The following CDH26 variants were observed in gnomAD, a reference collection of about 807,000 sequenced individuals.
CDH26 encodes cadherin-like protein 26.
In CDH26, 83 loss-of-function variants were observed where a neutral mutation model predicts 90.3. The observed-to-expected ratio is 0.92, with a 90% CI of 0.77 to 1.10. The LOEUF (loss-of-function observed/expected upper bound fraction) is 1.10. Among genes scored for constraint, CDH26 ranks in the 50% least tolerant of loss-of-function variants. The pLI, the probability that CDH26 is intolerant of heterozygous loss-of-function variation, is 0.00. For missense variants in CDH26, 1,013 were observed against 1,037.6 expected, an observed-to-expected ratio of 0.98 and a Z score of 0.33; for synonymous variants, 397 against 396.3, an observed-to-expected ratio of 1.00 and a Z score of -0.02.
intron 1 of CDH26, among the ~76,000 whole-genome samples, chr20:59,966,414 CAATT>C (rs560515454): frequency 2.0e-5 from 3 of 152,146 alleles, no homozygotes; most frequent in Non-Finnish European, 4.4e-5. Flanking sequence ...CAATTTAAAA[CAATT>C]AATATTTTTT....
At position 60,021,897 on chromosome 20, in the gene CDH26, C is replaced by CATAT. The variant is rs71228705; in HGVS notation, c.948-9317_948-9314dup. Among the ~76,000 whole-genome samples the CATAT allele has an allele frequency of 8.7e-4, 69 of 78,982 alleles. 1 individual carries two copies. The highest frequency in any genetic ancestry group is 7.0e-3 in the Middle Eastern group (1 of 142). 51.8% of individuals were successfully genotyped at this position (78,982 alleles called of 152,430 possible). On this transcript the variant is annotated intron_variant, in intron 7 of 8. Coordinates refer to the CDH26 transcript ENST00000370991. Reference sequence around the variant, plus strand: ...ACACACACACACACACACACACACACATATATATATATATATATATCCTGA... The same window carrying CATAT: ...ACACACACACACACACACACACACACATATATATATATATATATATATATCCTGA...
Position 59,994,348 on chromosome 20 carries a change from G to T in CDH26, c.1525G>T (p.Val509Phe). The T allele has an allele frequency of 6.2e-7, 1 of 1,613,888 alleles. No homozygotes were observed. The highest frequency in any genetic ancestry group is 2.2e-5 in the East Asian group (1 of 44,874). Residue 509 changes from valine (V) to phenylalanine (F), a missense_variant, in exon 11 of 18, where the codon GTC becomes TTC. Val to Phe is a conservative substitution (Grantham distance 50, BLOSUM62 -1). Transcript: ENST00000348616. ...TLRPRSRYME[V>F]CESAVHEPLH... ...CCGGCCACGTTCCCGCTACATGGAGGTCTGTGAGTCTGCTGTGCATGAGCC... is the reference window on the plus strand; with the variant it reads ...CCGGCCACGTTCCCGCTACATGGAGTTCTGTGAGTCTGCTGTGCATGAGCC...
intron 9 of CDH26, among the ~76,000 whole-genome samples, chr20:59,990,809 C>G (rs1234988715): frequency 6.6e-6 from 1 of 151,984 alleles, no homozygotes; most frequent in Non-Finnish European, 1.5e-5. Context: ...GTGTATCAGT[C>G]TCTGGGGGAA....
chr20:60,035,656 A>T (rs2062076743), downstream of CDH26, among the ~76,000 whole-genome samples: 1 of 152,008 alleles, frequency 6.6e-6, no homozygotes, highest in Admixed American at 6.5e-5. Flanking sequence ...CCCTCATTCA[A>T]ATCTCATCTC....
chr20:60,008,291 C>G (rs1303477762), intron 17 of CDH26, among the ~76,000 whole-genome samples: 1 of 152,186 alleles, frequency 6.6e-6, no homozygotes, highest in East Asian at 1.9e-4. Flanking sequence ...AACTCTTAGT[C>G]TGCACATCAG....
chr20:59,967,638 G>A (rs115187091), intron 1 of CDH26, among the ~76,000 whole-genome samples: 318 of 151,998 alleles, frequency 2.1e-3, no homozygotes, highest in African/African-American at 6.9e-3. Flanking sequence ...GTCATCCTGC[G>A]TGCACACTGT....
At chr20:59,982,682 C>A (rs757366071) in intron 4 of CDH26, among the ~76,000 whole-genome samples, 22 of 152,168 alleles carry the variant, frequency 1.4e-4, no homozygotes, top group Non-Finnish European at 2.6e-4. Flanking sequence ...AATAACTGAT[C>A]ATTTTTTTCC....
At chr20:59,980,346 G>A (rs2061380038) in intron 4 of CDH26, among the ~76,000 whole-genome samples, 1 of 151,630 alleles carries the variant, frequency 6.6e-6, no homozygotes, top group African/African-American at 2.4e-5. Context: ...CCAGGCTGGA[G>A]TGCAATGGCG....
chr20:60,010,304 C>G (rs2061816085), intron 17 of CDH26, among the ~76,000 whole-genome samples: 1 of 152,168 alleles, frequency 6.6e-6, no homozygotes, highest in Non-Finnish European at 1.5e-5. Context: ...CACCTCCCAC[C>G]TTGGGCTTGA....
chr20:59,975,531 C>A (rs2061318090), intron 4 of CDH26, among the ~76,000 whole-genome samples: 1 of 152,164 alleles, frequency 6.6e-6, no homozygotes, highest in Non-Finnish European at 1.5e-5. Context: ...ACAACAGCCA[C>A]AGGAAACTAA....
At chr20:60,029,372 T>TCTATGGTCAACAACGTAGCAC (rs2062023206) in intron 7 of CDH26, among the ~76,000 whole-genome samples, 1 of 42,116 alleles carries the variant, frequency 2.4e-5, no homozygotes, top group Non-Finnish European at 5.2e-5. Context: ...CAACGTAGCA[T>TCTATGGTCAACAACGTAGCAC]CTATAGTCAA....
At chr20:59,970,265 T>C in intron 3 of CDH26, 79 bp downstream of exon 3, 1 of 1,561,712 alleles carries the variant, frequency 6.4e-7, no homozygotes, top group Non-Finnish European at 8.6e-7. Flanking sequence ...AGATTAAGTC[T>C]TGAAAGGTTA....
At chr20:60,034,251 G>A (rs1261997539), downstream of CDH26, among the ~76,000 whole-genome samples, 1 of 152,198 alleles carries the variant, frequency 6.6e-6, no homozygotes, top group Non-Finnish European at 1.5e-5. Flanking sequence ...TGTCCATAAA[G>A]CCACATTGTT....
chr20:59,972,274 C>T (rs536462110), intron 4 of CDH26, 151 bp downstream of exon 4: 1 of 691,128 alleles, frequency 1.4e-6, no homozygotes, highest in South Asian at 2.0e-5. Flanking sequence ...ATGCCTGAGA[C>T]TTTTGTAATC....
rs577739307 is a variant in CDH26 at position 60,021,306 on chromosome 20, C to T, written c.948-9925C>T. 2.6e-5 allele frequency among the ~76,000 whole-genome samples: 4 copies of T among 152,302 alleles called. No homozygotes were observed. The East Asian group carries it at 7.7e-4, about 29-fold the overall frequency. On this transcript the variant is annotated intron_variant, in intron 7 of 8. Coordinates refer to the CDH26 transcript ENST00000370991. ...ACACTGTCTGTTCTTATAAATAAAG[C>T]TTTGTTGGCACACAACCATGCTCAT...
At chr20:60,001,516 A>G in intron 15 of CDH26, 105 bp downstream of exon 15, 1 of 1,495,632 alleles carries the variant, frequency 6.7e-7, no homozygotes, top group Non-Finnish European at 8.9e-7. Flanking sequence ...TACTGTCAGA[A>G]AAAGGCACAT....
In CDH26 at chr20:60,004,765, C is replaced by CAAA. The variant is rs140015980; in HGVS notation, c.2220+1917_2220+1919dup. Among the ~76,000 whole-genome samples the CAAA allele has an allele frequency of 2.5e-4, 12 of 48,094 alleles. 1 individual carries two copies. The highest frequency in any genetic ancestry group is 9.6e-4 in the Admixed American group (4 of 4,148). 31.6% of individuals were successfully genotyped at this position (48,094 alleles called of 152,430 possible). The stretch of plus-strand genomic sequence containing the variant: ...TGGGTGACAGAGCGAGACTCCATCT[C>CAAA]AAAAAAAAAAAAAAAAAAAAGAAAA... On this transcript the variant is annotated intron_variant, in intron 16 of 17. Coordinates refer to ENST00000348616, the MANE Select transcript of CDH26 (RefSeq NM_177980.4).
chr20:59,989,084 A>T lies in CDH26; in HGVS notation c.1204A>T (p.Ile402Phe), dbSNP rs373974909. Residue 402 changes from isoleucine to phenylalanine, a missense_variant, in exon 9 of 18, where the codon ATT (isoleucine) becomes TTT (phenylalanine). Coordinates refer to ENST00000348616, the MANE Select transcript of CDH26 (RefSeq NM_177980.4). The part of the protein sequence containing the change: ...DPPAFHPQSF[I>F]VNKEEGARPG... The stretch of plus-strand genomic sequence containing the variant: ...ACCAGCCTTTCACCCCCAGAGCTTC[A>T]TTGTCAATAAAGAGGAGGGCGCCAG... 4.2e-5 allele frequency: 68 copies of T among 1,614,030 alleles called. No individual in the cohort carries two copies. In the African/African-American group the frequency reaches 8.9e-4, roughly 21 times the overall value.
chr20:59,991,387 A>G (rs2061526063), intron 9 of CDH26, among the ~76,000 whole-genome samples: 2 of 152,264 alleles, frequency 1.3e-5, no homozygotes, highest in South Asian at 4.1e-4. Context: ...TGGAGGCATG[A>G]TCTGGGTTGG....
Sources: allele counts gnomAD v4.1 joint callset (sites outside exome capture counted in the v4.1 genomes callset), GRCh38; gene constraint gnomAD v4.1.1; transcripts MANE v1.5; gene names NCBI Gene and HGNC (gene_info 2026-07-23, HGNC 2026-07-21).